DNAJC8: variants seen among roughly 807,000 people sequenced by gnomAD.
DNAJC8 encodes the protein dnaJ homolog subfamily C member 8.
In DNAJC8, 24 loss-of-function variants were observed where a neutral mutation model predicts 43.2. That is an observed-to-expected ratio of 0.56 (90% CI 0.40 to 0.78). DNAJC8 has a LOEUF of 0.78. Ranked by LOEUF, DNAJC8 falls within the 30% of genes least tolerant of loss-of-function variation. The pLI, the probability that DNAJC8 is intolerant of heterozygous loss-of-function variation, is 0.00. For missense variants in DNAJC8, 207 were observed against 299.4 expected, an observed-to-expected ratio of 0.69 and a Z score of 2.28; for synonymous variants, 83 against 98.0, an observed-to-expected ratio of 0.85 and a Z score of 0.90.
At chr1:28,232,137 C>T (rs921241193) in intron 1 of DNAJC8, among the ~76,000 whole-genome samples, 2 of 151,718 alleles carry the variant, frequency 1.3e-5, no homozygotes, top group Non-Finnish European at 2.9e-5. Context: ...TGCAGTGGTC[C>T]GATCATAGGT....
At position 28,201,193 on chromosome 1, in the gene DNAJC8, C is replaced by A; in HGVS notation, c.*55G>T. On this transcript the variant is annotated 3_prime_UTR_variant, in exon 9 of 9. Coordinates refer to ENST00000263697, the MANE Select transcript of DNAJC8 (RefSeq NM_014280.3). ...AAGTGGGAGGAAAGAATGAGTCCTT[C>A]GAAGCAGGAAGGGAGATAGCAGGGG... 6.2e-7 allele frequency: 1 copy of A among 1,606,264 alleles called. No homozygotes were observed. Among genetic ancestry groups the A allele is most frequent in the Non-Finnish European group, 8.5e-7 (1 of 1,177,886 alleles).
intron 3 of DNAJC8, among the ~76,000 whole-genome samples, chr1:28,212,168 A>AT (rs1646815583): frequency 1.9e-4 from 6 of 31,004 alleles, no homozygotes; most frequent in East Asian, 1.2e-3. Flanking sequence ...TAAATAAATA[A>AT]ATATATATAT....
chr1:28,231,786 T>C (rs956549710), intron 1 of DNAJC8, among the ~76,000 whole-genome samples: 2 of 152,022 alleles, frequency 1.3e-5, no homozygotes, highest in South Asian at 2.1e-4. Flanking sequence ...TTTTCTTTTT[T>C]AGACAGTCTC....
intron 2 of DNAJC8, among the ~76,000 whole-genome samples, chr1:28,223,724 A>AG (rs964325923): frequency 6.6e-6 from 1 of 151,620 alleles, no homozygotes; most frequent in Non-Finnish European, 1.5e-5. Context: ...AAAAAAAAAA[A>AG]AAAGAAAAAA....
chr1:28,217,217 G>A lies in DNAJC8; in HGVS notation c.181-2221C>T, dbSNP rs149157301. ...CATAATCATAGGTCACTGCAGCCTC[G>A]AGCTCTGGGGCTCAAGTGGTCCTCT... On this transcript the variant is annotated intron_variant, in intron 2 of 8. Transcript: ENST00000263697. Among the ~76,000 whole-genome samples the A allele has an allele frequency of 3.5e-3, 530 of 151,452 alleles. 3 individuals carry two copies. Among genetic ancestry groups the A allele is most frequent in the African/African-American group, 0.012 (485 of 41,200 alleles).
chr1:28,204,683 T>C (rs1646757467), intron 7 of DNAJC8, among the ~76,000 whole-genome samples: 1 of 152,132 alleles, frequency 6.6e-6, no homozygotes, highest in African/African-American at 2.4e-5. Context: ...TAACTGCTTA[T>C]TTCACTCCAG....
At chr1:28,229,092 G>A in intron 1 of DNAJC8, 69 bp from the exon 2 acceptor site, 1 of 1,285,432 alleles carries the variant, frequency 7.8e-7, no homozygotes, top group Non-Finnish European at 1.1e-6. Context: ...TTAACAAAAT[G>A]TTCACTGATA....
At chr1:28,223,938 T>C (rs1646916291) in intron 2 of DNAJC8, among the ~76,000 whole-genome samples, 1 of 152,088 alleles carries the variant, frequency 6.6e-6, no homozygotes, top group Non-Finnish European at 1.5e-5. Flanking sequence ...TATCATTCTC[T>C]GCCAAAAGGA....
rs369024181 is a variant in DNAJC8, at chr1:28,202,588, CTT to C, written c.639+1157_639+1158del. 6.0e-3 allele frequency among the ~76,000 whole-genome samples: 535 copies of C among 89,644 alleles called. 3 individuals carry two copies. Among genetic ancestry groups the C allele is most frequent in the African/African-American group, 0.022 (488 of 21,868 alleles). 58.8% of individuals were successfully genotyped at this position (89,644 alleles called of 152,430 possible). The stretch of plus-strand genomic sequence containing the variant: ...GCCACCTCACCCGGCCTTTTTTTTT[CTT>C]TTTTTTTTTTTTTTTGAGACGGCTC... On this transcript the variant is annotated intron_variant, in intron 8 of 8. Transcript: ENST00000263697.
chr1:28,211,840 C>T (rs1022020444), intron 3 of DNAJC8, among the ~76,000 whole-genome samples: 3 of 151,958 alleles, frequency 2.0e-5, no homozygotes, highest in African/African-American at 7.2e-5. Context: ...AATGATTCAG[C>T]CAAAAATATA....
At chr1:28,225,107 T>A (rs1466212490) in intron 2 of DNAJC8, among the ~76,000 whole-genome samples, 1 of 151,162 alleles carries the variant, frequency 6.6e-6, no homozygotes, top group African/African-American at 2.4e-5. Flanking sequence ...TAACAATGTA[T>A]CCAGAGAGGC....
At chr1:28,228,844 T>C (rs1646955158) in intron 2 of DNAJC8, 78 bp downstream of exon 2, 4 of 1,115,934 alleles carry the variant, frequency 3.6e-6, no homozygotes, top group South Asian at 1.4e-5. Context: ...AAATTAGGTA[T>C]GTATTCTGAT....
In DNAJC8 at chr1:28,227,104, C is replaced by CTTTTTTTT. The variant is rs375175168; in HGVS notation, c.180+1810_180+1817dup. Among the ~76,000 whole-genome samples, 12 of 95,140 alleles carry CTTTTTTTT rather than the reference C, an allele frequency of 1.3e-4. 1 individual carries two copies. Among genetic ancestry groups the CTTTTTTTT allele is most frequent in the East Asian group, 2.8e-4 (1 of 3,568 alleles). 62.4% of individuals were successfully genotyped at this position (95,140 alleles called of 152,430 possible). A position where few individuals can be genotyped will look rare whatever the true frequency, so the allele number is the denominator to read the frequency against. Reference sequence around the variant, plus strand: ...AAAAAAAAAGAATTTCTCTCTCTCTCTTTTTTTTTTTTTTTTTTTTTTGGA... The same window carrying CTTTTTTTT: ...AAAAAAAAAGAATTTCTCTCTCTCTCTTTTTTTTTTTTTTTTTTTTTTTTTTTTTTGGA... On this transcript the variant is annotated intron_variant, in intron 2 of 8. Coordinates refer to ENST00000263697, the MANE Select transcript of DNAJC8 (RefSeq NM_014280.3).
rs115720816 is a variant in DNAJC8 at position 28,227,787 on chromosome 1, G to A, written c.180+1135C>T. Among the ~76,000 whole-genome samples the A allele has an allele frequency of 7.2e-3, 1,091 of 152,168 alleles. 11 individuals are homozygous for A. Among genetic ancestry groups the A allele is most frequent in the South Asian group, 0.011 (55 of 4,826 alleles). ...AGAAGAAGAAGAAGAAGGATTAAGTGTATGATGCTCCCTGTTTTTAAGCAA... is the reference window on the plus strand; with the variant it reads ...AGAAGAAGAAGAAGAAGGATTAAGTATATGATGCTCCCTGTTTTTAAGCAA... On this transcript the variant is annotated intron_variant, in intron 2 of 8. Coordinates refer to ENST00000263697, the MANE Select transcript of DNAJC8 (RefSeq NM_014280.3).
chr1:28,228,312 G>A (rs911565966), intron 2 of DNAJC8, among the ~76,000 whole-genome samples: 6 of 132,968 alleles, frequency 4.5e-5, no homozygotes, highest in Admixed American at 8.7e-5. Flanking sequence ...TCGCGCCACT[G>A]CACTCCAGCC....
intron 7 of DNAJC8, among the ~76,000 whole-genome samples, chr1:28,204,363 G>A (rs1432495279): frequency 6.6e-6 from 1 of 152,068 alleles, no homozygotes; most frequent in African/African-American, 2.4e-5. Flanking sequence ...GGTGGATCAT[G>A]TGAGGTCAGG....
intron 6 of DNAJC8, among the ~76,000 whole-genome samples, chr1:28,205,612 G>A (rs1028503982): frequency 6.6e-6 from 1 of 152,188 alleles, no homozygotes; most frequent in African/African-American, 2.4e-5. Context: ...TGCAGGCCAG[G>A]CGCAGTAGCT....
At chr1:28,208,040 C>G (rs921856299) in intron 6 of DNAJC8, among the ~76,000 whole-genome samples, 8 of 152,028 alleles carry the variant, frequency 5.3e-5, no homozygotes, top group African/African-American at 1.9e-4. Flanking sequence ...AACCCCATCT[C>G]TACTAAAAAT....
intron 3 of DNAJC8, among the ~76,000 whole-genome samples, chr1:28,212,030 T>C (rs1337832903): frequency 1.3e-5 from 2 of 150,570 alleles, no homozygotes. Context: ...GTGGCACACA[T>C]CTATAATACC....
Sources: allele counts gnomAD v4.1 joint callset (sites outside exome capture counted in the v4.1 genomes callset), GRCh38; gene constraint gnomAD v4.1.1; transcripts MANE v1.5; gene names NCBI Gene and HGNC (gene_info 2026-07-23, HGNC 2026-07-21).